MAPK8: variants seen among roughly 807,000 people sequenced by gnomAD.
The protein encoded by MAPK8 is mitogen-activated protein kinase 8.
MAPK8 carries 13 observed loss-of-function variants against 52.9 expected under a neutral mutation model. That is an observed-to-expected ratio of 0.25 (90% CI 0.16 to 0.39). The LOEUF (loss-of-function observed/expected upper bound fraction) is 0.39, where lower values mean the gene tolerates loss of function less well. Among genes scored for constraint, MAPK8 ranks in the 10% least tolerant of loss-of-function variants. The pLI, the probability that MAPK8 is intolerant of heterozygous loss-of-function variation, is 1.00. For missense variants in MAPK8, 300 were observed against 519.2 expected (o/e 0.58, Z 4.10); for synonymous variants, 191 against 169.8 (o/e 1.12, Z -0.97).
chr10:48,324,714 C>T lies in MAPK8; in HGVS notation c.-50+17893C>T, dbSNP rs73293165. On this transcript the variant is annotated intron_variant, in intron 1 of 11. Transcript: ENST00000374189. ...TTTTTGGCTTAGTTACTCCTGTGTA[C>T]GTTATATTGACTCATAACACAGGCA... 3.0e-3 allele frequency among the ~76,000 whole-genome samples: 453 copies of T among 151,956 alleles called. 5 individuals are homozygous for T. The highest frequency in any genetic ancestry group is 0.011 in the African/African-American group (441 of 41,434).
At chr10:48,417,740 A>C (rs191386189) in intron 5 of MAPK8, among the ~76,000 whole-genome samples, 1 of 152,332 alleles carries the variant, frequency 6.6e-6, no homozygotes, top group Non-Finnish European at 1.5e-5. Flanking sequence ...TGGGGTGAGC[A>C]GGAATATTTG....
rs1846400266 is a variant in MAPK8, at chr10:48,352,143, A to G, written c.-50+45322A>G. Among the ~76,000 whole-genome samples the G allele has an allele frequency of 2.0e-5, 3 of 152,340 alleles. No individual in the cohort carries two copies. In the South Asian group the frequency reaches 6.2e-4, roughly 32 times the overall value. On this transcript the variant is annotated intron_variant, in intron 1 of 11. Coordinates refer to ENST00000374189, the MANE Select transcript of MAPK8 (RefSeq NM_001323329.2). The stretch of plus-strand genomic sequence containing the variant: ...TAGTGCTACAACTTAATAGAACTTT[A>G]TAATTTTAAAATGAAAATAGGCCCG...
At chr10:48,377,091 T>C (rs773906516) in intron 1 of MAPK8, among the ~76,000 whole-genome samples, 9 of 152,102 alleles carry the variant, frequency 5.9e-5, no homozygotes, top group Non-Finnish European at 1.0e-4. Context: ...CTGGAAACCA[T>C]GATTCTCAGC....
At chr10:48,419,775 A>G (rs748241868) in intron 5 of MAPK8, among the ~76,000 whole-genome samples, 7 of 152,208 alleles carry the variant, frequency 4.6e-5, no homozygotes, top group Non-Finnish European at 7.3e-5. Context: ...TGAGATTTTA[A>G]AAATATTGGT....
At chr10:48,431,313 T>C (rs2044229381) in intron 11 of MAPK8, 43 bp downstream of exon 11, 2 of 1,361,242 alleles carry the variant, frequency 1.5e-6, no homozygotes, top group East Asian at 4.6e-5. Flanking sequence ...AGTTTACTTC[T>C]TGTGTTGTAA....
At chr10:48,362,775 T>C (rs1348075118) in intron 1 of MAPK8, among the ~76,000 whole-genome samples, 2 of 150,536 alleles carry the variant, frequency 1.3e-5, no homozygotes, top group Non-Finnish European at 3.0e-5. Context: ...AGTTTCACTC[T>C]TGTTGCCCAG....
chr10:48,427,290 A>T, intron 10 of MAPK8, 147 bp downstream of exon 10: 1 of 532,758 alleles, frequency 1.9e-6, no homozygotes, highest in Non-Finnish European at 3.4e-6. Context: ...AGTAGAAAGT[A>T]AGTCTGCTTC....
At chr10:48,387,898 T>G (rs2041407996) in intron 1 of MAPK8, among the ~76,000 whole-genome samples, 1 of 152,176 alleles carries the variant, frequency 6.6e-6, no homozygotes, top group Non-Finnish European at 1.5e-5. Flanking sequence ...CACTCTGGGC[T>G]CGAGTCTAAA....
intron 1 of MAPK8, among the ~76,000 whole-genome samples, chr10:48,308,492 T>A (rs1397523944): frequency 6.6e-6 from 1 of 152,182 alleles, no homozygotes; most frequent in Non-Finnish European, 1.5e-5. Flanking sequence ...GGTCATTCAC[T>A]GTCCTAAAAT....
intron 1 of MAPK8, among the ~76,000 whole-genome samples, chr10:48,349,444 T>C (rs949843067): frequency 6.6e-6 from 1 of 152,072 alleles, no homozygotes; most frequent in African/African-American, 2.4e-5. Flanking sequence ...TGCAAACAAA[T>C]TAGAACTCAG....
chr10:48,359,223 A>G (rs1181242808), intron 1 of MAPK8, among the ~76,000 whole-genome samples: 1 of 152,114 alleles, frequency 6.6e-6, no homozygotes, highest in East Asian at 1.9e-4. Context: ...ATTAACTTTT[A>G]TCTCTTAAAA....
intron 1 of MAPK8, among the ~76,000 whole-genome samples, chr10:48,383,686 G>T (rs1479487166): frequency 6.6e-6 from 1 of 150,974 alleles, no homozygotes; most frequent in Non-Finnish European, 1.5e-5. Flanking sequence ...ATTAGTCCTG[G>T]TTTTGAAAAA....
chr10:48,414,448 ATTT>A (rs3047768), intron 5 of MAPK8, among the ~76,000 whole-genome samples: 1 of 133,822 alleles, frequency 7.5e-6, no homozygotes. Flanking sequence ...TATTGAGAGG[ATTT>A]TTTTTTTTTT....
chr10:48,326,708 C>G (rs1227646104), intron 1 of MAPK8, among the ~76,000 whole-genome samples: 1 of 152,072 alleles, frequency 6.6e-6, no homozygotes, highest in African/African-American at 2.4e-5. Flanking sequence ...CCATCTGTAT[C>G]TATATAAGCT....
At chr10:48,391,611 T>C (rs1258440203) in intron 1 of MAPK8, among the ~76,000 whole-genome samples, 2 of 150,926 alleles carry the variant, frequency 1.3e-5, no homozygotes, top group East Asian at 3.9e-4. Context: ...ATAGGGGGAG[T>C]TCCCCACACA....
chr10:48,371,610 C>G (rs1254607842), intron 1 of MAPK8, among the ~76,000 whole-genome samples: 1 of 151,976 alleles, frequency 6.6e-6, no homozygotes. Context: ...CTCTGGTCAC[C>G]AAAATGTATG....
At chr10:48,371,186 T>C (rs550919947) in intron 1 of MAPK8, among the ~76,000 whole-genome samples, 1 of 152,188 alleles carries the variant, frequency 6.6e-6, no homozygotes, top group African/African-American at 2.4e-5. Context: ...TATACTGATA[T>C]TTTTAAAATA....
rs2133408505 is a variant in MAPK8 at position 48,435,701 on chromosome 10, A to G, written c.*672A>G. 1 of 152,364 alleles carries G rather than the reference A, an allele frequency of 6.6e-6. No individual in the cohort carries two copies. The highest frequency in any genetic ancestry group is 1.5e-5 in the Non-Finnish European group (1 of 68,032). The allele number at this position is 152,364 out of a possible 1,614,324, so 9.4% of individuals were successfully genotyped here. A position where few individuals can be genotyped will look rare whatever the true frequency, so the allele number is the denominator to read the frequency against. The stretch of plus-strand genomic sequence containing the variant: ...CAGAATAACTCAGAGCATGTCTTTG[A>G]AGATGCTGGGCGTCTACCACCACCT... On this transcript the variant is annotated 3_prime_UTR_variant, in exon 12 of 12. Coordinates refer to ENST00000374189, the MANE Select transcript of MAPK8 (RefSeq NM_001323329.2).
intron 5 of MAPK8, among the ~76,000 whole-genome samples, chr10:48,418,890 G>A (rs1030946416): frequency 3.3e-5 from 5 of 151,940 alleles, no homozygotes; most frequent in African/African-American, 1.2e-4. Context: ...TTTCTAAATT[G>A]GAATCTGCTA....
Sources: gnomAD v4.1 joint callset for allele counts (sites outside exome capture counted in the v4.1 genomes callset) on GRCh38, gnomAD v4.1.1 for gene constraint, MANE v1.5 for transcripts, NCBI Gene and HGNC (gene_info 2026-07-23, HGNC 2026-07-21) for gene names.